Variants in LRRC74A observed in about 807,000 individuals in gnomAD.
The protein encoded by LRRC74A is leucine-rich repeat-containing protein 74A.
Under a neutral mutation model 57.9 loss-of-function variants are expected in LRRC74A, and 44 were observed. That is an observed-to-expected ratio of 0.76 (90% confidence interval 0.60 to 0.98). The LOEUF (loss-of-function observed/expected upper bound fraction) is 0.98. Ranked by LOEUF, LRRC74A falls within the 50% of genes least tolerant of loss-of-function variation. The pLI, the probability that LRRC74A is intolerant of heterozygous loss-of-function variation, is 0.00. For synonymous variants in LRRC74A, 211 were observed against 219.4 expected (o/e 0.96, Z 0.34); for missense variants, 572 against 574.0 (o/e 1.00, Z 0.04).
chr14:76,869,878 C>T (rs1288276917), intron 13 of LRRC74A, among the ~76,000 whole-genome samples: 2 of 152,168 alleles, frequency 1.3e-5, no homozygotes, highest in Non-Finnish European at 2.9e-5. Context: ...CCAAAGGGCT[C>T]TTGCAAACGA....
chr14:76,860,812 G>T lies in LRRC74A; in HGVS notation c.1173G>T (p.Leu391Phe). The T allele has an allele frequency of 6.2e-7, 1 of 1,610,972 alleles. No homozygotes were observed. Among genetic ancestry groups the T allele is most frequent in the East Asian group, 2.2e-5 (1 of 44,718 alleles). ...QGLSPKKTIF[L>F]LTNPMKLIQS... The stretch of plus-strand genomic sequence containing the variant: ...TCTCTCCCAAGAAAACCATCTTCTT[G>T]TTGACAAACCCCATGAAACTGATCC... The change falls in exon 11 of 14, where the codon TTG (leucine) becomes TTT (phenylalanine). Residue 391 changes from leucine to phenylalanine, a missense_variant. Physicochemically the swap from Leu to Phe is conservative, Grantham distance 22 (BLOSUM62 0). Transcript: ENST00000689127.
chr14:76,843,169 G>C (rs1896886061), intron 5 of LRRC74A, among the ~76,000 whole-genome samples: 2 of 151,870 alleles, frequency 1.3e-5, no homozygotes, highest in Non-Finnish European at 2.9e-5. Context: ...TGTAATCCCA[G>C]TTACTCAGGA....
At position 76,826,989 on chromosome 14, in the gene LRRC74A, A is replaced by G. The variant is rs144302722; in HGVS notation, c.37+255A>G. Among the ~76,000 whole-genome samples the G allele has an allele frequency of 3.1e-3, 469 of 152,358 alleles. 4 individuals carry two copies. Among genetic ancestry groups the G allele is most frequent in the African/African-American group, 0.01 (424 of 41,592 alleles). On this transcript the variant is annotated intron_variant, in intron 1 of 13. Coordinates refer to ENST00000689127, the MANE Select transcript of LRRC74A (RefSeq NM_001385106.1). ...GTGTGGGCCAGTTGATACCACATTT[A>G]TAGTTTGAAATCAGTCACATTGGGA...
chr14:76,860,794 C>T lies in LRRC74A; in HGVS notation c.1155C>T (p.Pro385=), dbSNP rs1898242529. Residue 385 remains proline (P), a synonymous_variant, in exon 11 of 14, where the codon CCC becomes CCT. Coordinates refer to ENST00000689127, the MANE Select transcript of LRRC74A (RefSeq NM_001385106.1). ...TCAAGGCAGTACAAGGCCTCTCTCCCAAGAAAACCATCTTCTTGTTGACAA... is the reference window on the plus strand; with the variant it reads ...TCAAGGCAGTACAAGGCCTCTCTCCTAAGAAAACCATCTTCTTGTTGACAA... ...VVFKAVQGLS[P]KKTIFLLTNP... 2 of 1,610,762 alleles carry T rather than the reference C, an allele frequency of 1.2e-6. No homozygotes were observed. The highest frequency in any genetic ancestry group is 4.5e-5 in the East Asian group (2 of 44,654).
chr14:76,840,842 C>T (rs1449071957), intron 5 of LRRC74A, among the ~76,000 whole-genome samples: 1 of 152,100 alleles, frequency 6.6e-6, no homozygotes, highest in Non-Finnish European at 1.5e-5. Context: ...CTCGGCCTCC[C>T]AAAGTGCTGG....
At chr14:76,851,654 G>A (rs1897499921) in intron 7 of LRRC74A, among the ~76,000 whole-genome samples, 2 of 149,578 alleles carry the variant, frequency 1.3e-5, no homozygotes, top group South Asian at 4.3e-4. Context: ...CACCGTGCCT[G>A]GCCAAATAAT....
chr14:76,835,611 G>A (rs1050408091), intron 3 of LRRC74A, among the ~76,000 whole-genome samples: 7 of 152,130 alleles, frequency 4.6e-5, no homozygotes, highest in African/African-American at 1.7e-4. Flanking sequence ...AGAGCGAGGT[G>A]TGGTGGCTCA....
chr14:76,834,486 CAT>C (rs921689435), intron 3 of LRRC74A, among the ~76,000 whole-genome samples: 1 of 152,196 alleles, frequency 6.6e-6, no homozygotes, highest in African/African-American at 2.4e-5. Flanking sequence ...TAACTTTTCA[CAT>C]GTTTGTGTTT....
intron 1 of LRRC74A, 107 bp from the exon 2 acceptor site, chr14:76,828,183 TG>T: frequency 7.1e-7 from 1 of 1,407,702 alleles, no homozygotes; most frequent in Non-Finnish European, 9.5e-7. Context: ...CTTGAGGACC[TG>T]GGACTCAGAG....
In LRRC74A at chr14:76,831,318, C is replaced by A. The variant is rs1390148406; in HGVS notation, c.282C>A (p.Asn94Lys). ...GGAACATGGAGGAGTCCTACGTGAACCTCAACCACCACGGCCTGGGCCCCA... is the reference window on the plus strand; with the variant it reads ...GGAACATGGAGGAGTCCTACGTGAAACTCAACCACCACGGCCTGGGCCCCA... ...FIRNMEESYV[N>K]LNHHGLGPRG... is the part of the protein sequence containing the mutation. The change falls in exon 3 of 14, where the codon AAC becomes AAA. Residue 94 changes from asparagine to lysine, a missense_variant. By Grantham distance (94) the Asn-to-Lys change is moderately conservative (BLOSUM62 0). Transcript: ENST00000689127. 5.6e-6 allele frequency: 9 copies of A among 1,613,968 alleles called. No individual in the cohort carries two copies. The highest frequency in any genetic ancestry group is 7.6e-6 in the Non-Finnish European group (9 of 1,179,894).
intron 13 of LRRC74A, among the ~76,000 whole-genome samples, chr14:76,869,760 T>TA (rs111436232): frequency 0.053 from 5,711 of 108,728 alleles, 422 homozygotes; most frequent in East Asian, 0.33. Context: ...AGACTCCATC[T>TA]AAAAAAAAAA....
intron 3 of LRRC74A, 129 bp downstream of exon 3, chr14:76,831,504 C>G: frequency 4.1e-6 from 4 of 979,836 alleles, no homozygotes; most frequent in Non-Finnish European, 6.0e-6. Context: ...GCCACACTGC[C>G]CTGGGCTCTG....
At chr14:76,844,626 C>G (rs1035408307) in intron 6 of LRRC74A, among the ~76,000 whole-genome samples, 154 bp downstream of exon 6, 16 of 152,142 alleles carry the variant, frequency 1.1e-4, no homozygotes, top group Non-Finnish European at 2.4e-4. Context: ...AAAGGCACAG[C>G]AAATGGTAGA....
At position 76,828,335 on chromosome 14, in the gene LRRC74A, C is replaced by G. The variant is rs960356227; in HGVS notation, c.82C>G (p.Leu28Val). The change falls in exon 2 of 14, where the codon CTC (leucine) becomes GTC (valine). Residue 28 changes from leucine to valine, a missense_variant. Transcript: ENST00000689127. ...EPVRQSSDKM[L>V]YCEAESPPTV... ...AGTACGACAGAGCAGCGATAAAATG[C>G]TCTACTGTGAGGCCGAATCCCCGCC... The G allele has an allele frequency of 4.3e-6, 7 of 1,612,710 alleles. No individual in the cohort carries two copies. The highest frequency in any genetic ancestry group is 5.9e-6 in the Non-Finnish European group (7 of 1,178,916).
intron 2 of LRRC74A, chr14:76,829,146 C>G: frequency 1.6e-6 from 2 of 1,289,440 alleles, no homozygotes; most frequent in Non-Finnish European, 2.0e-6. Flanking sequence ...GAGAATGACG[C>G]TGGTTCCATC....
chr14:76,867,689 G>A (rs115799467), intron 13 of LRRC74A, among the ~76,000 whole-genome samples: 1,590 of 152,278 alleles, frequency 0.01, 26 homozygotes, highest in African/African-American at 0.033. Context: ...AGCGGGAGGA[G>A]CCGGAGCCCA....
chr14:76,844,549 C>T (rs1462104381), intron 6 of LRRC74A, 77 bp downstream of exon 6: 2 of 1,424,900 alleles, frequency 1.4e-6, no homozygotes, highest in African/African-American at 2.8e-5. Context: ...CTGCTATGGG[C>T]ACAGTAACGT....
chr14:76,861,703 A>G (rs541811889), intron 11 of LRRC74A, among the ~76,000 whole-genome samples: 16 of 152,338 alleles, frequency 1.1e-4, no homozygotes, highest in Admixed American at 2.0e-4. Context: ...CTCTAGTCCC[A>G]TTGTCTTGCA....
rs537579647 is a variant in LRRC74A, at chr14:76,851,444, G to A, written c.677-921G>A. On this transcript the variant is annotated intron_variant, in intron 7 of 13. Transcript: ENST00000689127. ...ACCATCTTGGCTCACTGCAAACTCCGCCTCCCAGGTTCAATCAGTTCTCCT... is the reference window on the plus strand; with the variant it reads ...ACCATCTTGGCTCACTGCAAACTCCACCTCCCAGGTTCAATCAGTTCTCCT... Among the ~76,000 whole-genome samples the A allele has an allele frequency of 3.9e-5, 6 of 152,228 alleles. No individual in the cohort carries two copies. The South Asian group carries it at 6.2e-4, about 16-fold the overall frequency.
Sources: allele counts gnomAD v4.1 joint callset (sites outside exome capture counted in the v4.1 genomes callset), GRCh38; gene constraint gnomAD v4.1.1; transcripts MANE v1.5; gene names NCBI Gene and HGNC (gene_info 2026-07-23, HGNC 2026-07-21).